CNTNAP2: variants seen among roughly 807,000 people sequenced by gnomAD.
CNTNAP2 encodes contactin-associated protein-like 2.
Under a neutral mutation model 155.2 loss-of-function variants are expected in CNTNAP2, and 98 were observed. The observed-to-expected ratio is 0.63, with a 90% confidence interval of 0.54 to 0.75. The LOEUF is 0.75. CNTNAP2 is among the 30% of genes least tolerant of loss of function. The probability of loss-of-function intolerance (pLI) is 0.00; values close to 1 mark genes in which losing one functional copy is unlikely to be tolerated. For missense variants in CNTNAP2, 1,727 were observed against 1,688.1 expected, an observed-to-expected ratio of 1.02 and a Z score of -0.40; for synonymous variants, 651 against 631.2, an observed-to-expected ratio of 1.03 and a Z score of -0.47.
At chr7:146,605,118 A>G (rs1370927026) in intron 1 of CNTNAP2, among the ~76,000 whole-genome samples, 2 of 150,708 alleles carry the variant, frequency 1.3e-5, no homozygotes, top group Non-Finnish European at 1.5e-5. Context: ...ATACTGCAAT[A>G]TCTTCCCGCC....
intron 3 of CNTNAP2, among the ~76,000 whole-genome samples, chr7:146,994,974 C>T (rs1174181558): frequency 6.6e-6 from 1 of 152,006 alleles, no homozygotes; most frequent in African/African-American, 2.4e-5. Context: ...CATTTGAGAA[C>T]ATCTCCACAT....
intron 15 of CNTNAP2, among the ~76,000 whole-genome samples, chr7:148,052,068 G>A (rs981919792): frequency 2.0e-5 from 3 of 151,676 alleles, no homozygotes; most frequent in Non-Finnish European, 4.4e-5. Flanking sequence ...GAACCCAGGA[G>A]GCGGAGCTTG....
intron 17 of CNTNAP2, among the ~76,000 whole-genome samples, chr7:148,162,716 C>T (rs1416294088): frequency 6.6e-6 from 1 of 152,168 alleles, no homozygotes; most frequent in East Asian, 1.9e-4. Flanking sequence ...AATGGTCTGC[C>T]CAGGTGCAGG....
intron 2 of CNTNAP2, among the ~76,000 whole-genome samples, chr7:146,825,385 T>A (rs1040515612): frequency 6.6e-6 from 1 of 152,014 alleles, no homozygotes; most frequent in African/African-American, 2.4e-5. Flanking sequence ...AGGGTTAGGA[T>A]TGGAATAAGT....
intron 17 of CNTNAP2, among the ~76,000 whole-genome samples, chr7:148,153,133 T>G (rs1260795480): frequency 6.7e-6 from 1 of 149,578 alleles, no homozygotes; most frequent in Non-Finnish European, 1.5e-5. Context: ...GCTGTGAGGC[T>G]AGAAGCAGGA....
At chr7:146,353,557 T>C (rs915057923) in intron 1 of CNTNAP2, among the ~76,000 whole-genome samples, 6 of 152,280 alleles carry the variant, frequency 3.9e-5, no homozygotes, top group Non-Finnish European at 8.8e-5. Context: ...GCCTCAGACT[T>C]GTATCCCAAC....
intron 1 of CNTNAP2, among the ~76,000 whole-genome samples, chr7:146,592,239 A>C (rs930088933): frequency 1.3e-5 from 2 of 152,218 alleles, no homozygotes; most frequent in Non-Finnish European, 2.9e-5. Context: ...TCTCTGTGGC[A>C]TATGGTCTTC....
chr7:146,521,774 A>G (rs1797619813), intron 1 of CNTNAP2, among the ~76,000 whole-genome samples: 1 of 152,016 alleles, frequency 6.6e-6, no homozygotes, highest in Non-Finnish European at 1.5e-5. Flanking sequence ...GACCTCTTAA[A>G]TAGGAAGTGG....
chr7:147,442,752 C>T (rs148400744), intron 10 of CNTNAP2, among the ~76,000 whole-genome samples: 229 of 152,156 alleles, frequency 1.5e-3, no homozygotes, highest in African/African-American at 5.1e-3. Context: ...TCATTTCCTT[C>T]GAATGAGAAG....
chr7:147,065,298 A>G (rs544444160), intron 4 of CNTNAP2, among the ~76,000 whole-genome samples: 37 of 152,314 alleles, frequency 2.4e-4, no homozygotes, highest in Admixed American at 3.9e-4. Context: ...AATGGCAACC[A>G]TTTGAATCTT....
intron 13 of CNTNAP2, among the ~76,000 whole-genome samples, chr7:147,752,529 G>C (rs917011784): frequency 1.3e-5 from 2 of 152,152 alleles, no homozygotes; most frequent in African/African-American, 4.8e-5. Context: ...GTACAGGAAG[G>C]GGCCTTTGAT....
intron 1 of CNTNAP2, among the ~76,000 whole-genome samples, chr7:146,202,811 T>C (rs1292094358): frequency 6.6e-6 from 1 of 152,228 alleles, no homozygotes; most frequent in African/African-American, 2.4e-5. Context: ...ATGTACATTA[T>C]AGAGGCAGAA....
At position 146,117,000 on chromosome 7, in the gene CNTNAP2, C is replaced by G. The variant is rs773052825; in HGVS notation, c.97+27C>G. Reference sequence around the variant, plus strand: ...TAAGTAGCCGTCTCCTCGCTCTGCTCTGGAGCAGTTTCAGTGCGGCATTGA... The same window carrying G: ...TAAGTAGCCGTCTCCTCGCTCTGCTGTGGAGCAGTTTCAGTGCGGCATTGA... On this transcript the variant is annotated intron_variant, in intron 1 of 23. Coordinates refer to ENST00000361727, the MANE Select transcript of CNTNAP2 (RefSeq NM_014141.6). This position sits in a 1 kb window ranked among gnomAD's most constrained non-coding sequence, Gnocchi z 5.5. 3.1e-5 allele frequency: 47 copies of G among 1,539,644 alleles called. No homozygotes were observed. Among genetic ancestry groups the G allele is most frequent in the Middle Eastern group, 3.3e-4 (2 of 6,000 alleles).
intron 15 of CNTNAP2, among the ~76,000 whole-genome samples, chr7:148,107,889 G>T (rs1323529387): frequency 6.6e-6 from 1 of 152,216 alleles, no homozygotes; most frequent in Non-Finnish European, 1.5e-5. Context: ...TGCAGCCCCA[G>T]TGTGAGCCAT....
chr7:146,792,839 TA>T (rs1802698343), intron 2 of CNTNAP2, among the ~76,000 whole-genome samples: 1 of 152,148 alleles, frequency 6.6e-6, no homozygotes, highest in Non-Finnish European at 1.5e-5. Context: ...AAATAATAAT[TA>T]TTTTTTTTGA....
At chr7:147,565,031 C>G (rs947779663) in intron 12 of CNTNAP2, among the ~76,000 whole-genome samples, 1 of 152,068 alleles carries the variant, frequency 6.6e-6, no homozygotes, top group African/African-American at 2.4e-5. Flanking sequence ...TTGGGCTATT[C>G]CATTTTCAAG....
At chr7:147,925,286 G>GCGCGCA (rs1554450445) in intron 14 of CNTNAP2, among the ~76,000 whole-genome samples, 9 of 65,398 alleles carry the variant, frequency 1.4e-4, no homozygotes, top group South Asian at 5.4e-4. Flanking sequence ...ACACACAAGC[G>GCGCGCA]CGCGCGCACA....
At chr7:146,290,901 G>A (rs1800418666) in intron 1 of CNTNAP2, among the ~76,000 whole-genome samples, 1 of 152,190 alleles carries the variant, frequency 6.6e-6, no homozygotes, top group Non-Finnish European at 1.5e-5. Flanking sequence ...CAAAGCATTG[G>A]AGTGAAGTAG....
At position 147,018,377 on chromosome 7, in the gene CNTNAP2, C is replaced by T. The variant is rs528804875; in HGVS notation, c.403-25530C>T. Among the ~76,000 whole-genome samples, 13 of 152,122 alleles carry T rather than the reference C, an allele frequency of 8.5e-5. No homozygotes were observed. In the South Asian group the frequency reaches 1.0e-3, roughly 12 times the overall value. On this transcript the variant is annotated intron_variant, in intron 3 of 23. Coordinates refer to ENST00000361727, the MANE Select transcript of CNTNAP2 (RefSeq NM_014141.6). ...CTCTATGACTCTGTCATGGCATGTG[C>T]CCTAAATAAACACTGTCCATGTCTG...
Sources: gnomAD v4.1 joint callset for allele counts (sites outside exome capture counted in the v4.1 genomes callset) on GRCh38, gnomAD v4.1.1 for gene constraint, Gnocchi (gnomAD v3.1) non-coding constraint, MANE v1.5 for transcripts, NCBI Gene and HGNC (gene_info 2026-07-23, HGNC 2026-07-21) for gene names.